The following SGCG variants were observed in gnomAD, a reference collection of about 807,000 sequenced individuals.
SGCG encodes sarcoglycan gamma, also known as gamma-sarcoglycan.
In SGCG, 26 loss-of-function variants were observed where a neutral mutation model predicts 29.3. That is an observed-to-expected ratio of 0.89 (90% CI 0.65 to 1.23). SGCG has a LOEUF of 1.23. SGCG is among the 50% of genes most tolerant of loss of function. The pLI, the probability that SGCG is intolerant of heterozygous loss-of-function variation, is 0.00. For synonymous variants in SGCG, 145 were observed against 129.7 expected (o/e 1.12, Z -0.80); for missense variants, 353 against 356.0 (o/e 0.99, Z 0.07).
chr13:23,227,315 GAAA>G (rs11330528), intron 2 of SGCG, among the ~76,000 whole-genome samples: 11 of 128,808 alleles, frequency 8.5e-5, no homozygotes, highest in African/African-American at 3.1e-4. Context: ...TTAAGAATGG[GAAA>G]AAAAAAAAAA....
intron 5 of SGCG, among the ~76,000 whole-genome samples, chr13:23,280,220 T>G (rs1215831956): frequency 6.6e-6 from 1 of 152,224 alleles, no homozygotes; most frequent in Non-Finnish European, 1.5e-5. Context: ...GCACTCATTT[T>G]TAAGACTGAG....
rs1883174721 is a variant in SGCG at position 23,324,775 on chromosome 13, C to T, written c.*234C>T. Reference sequence around the variant, plus strand: ...CAAAATGGAAAAGCAATGTGTTTTTCCACTGGATTAATTTTCACCGGAACA... The same window carrying T: ...CAAAATGGAAAAGCAATGTGTTTTTTCACTGGATTAATTTTCACCGGAACA... On this transcript the variant is annotated 3_prime_UTR_variant, in exon 8 of 8. Coordinates refer to ENST00000218867, the MANE Select transcript of SGCG (RefSeq NM_000231.3). The T allele has an allele frequency of 4.5e-5, 24 of 538,732 alleles. No individual in the cohort carries two copies. In the South Asian group the frequency reaches 4.7e-4, roughly 11 times the overall value. 33.4% of individuals were successfully genotyped at this position (538,732 alleles called of 1,614,324 possible).
intron 2 of SGCG, among the ~76,000 whole-genome samples, chr13:23,216,613 T>G (rs1269209763): frequency 1.3e-5 from 2 of 152,154 alleles, no homozygotes; most frequent in African/African-American, 4.8e-5. Context: ...CAAATGCACT[T>G]GAGTAAACTG....
Position 23,311,010 on chromosome 13 carries a change from T to C in SGCG, c.579-9627T>C, listed in dbSNP as rs141506872. Among the ~76,000 whole-genome samples, 522 of 152,334 alleles carry C rather than the reference T, an allele frequency of 3.4e-3. 3 individuals carry two copies. The highest frequency in any genetic ancestry group is 4.1e-3 in the Non-Finnish European group (279 of 68,034). ...TGTCCACTGCTTCTTCTTGGAAACA[T>C]TCTTTTCTTCTTATTTAATTTCCAT... is the stretch of plus-strand genomic sequence containing the variant. On this transcript the variant is annotated intron_variant, in intron 6 of 7. Coordinates refer to ENST00000218867, the MANE Select transcript of SGCG (RefSeq NM_000231.3).
At chr13:23,165,129 C>G in the SGCG span, among the ~76,000 whole-genome samples, 1 of 152,110 alleles carries the variant, frequency 6.6e-6, no homozygotes, top group Non-Finnish European at 1.5e-5. Context: ...TTATTAGAAA[C>G]AGAAAATAGA....
At chr13:23,182,809 G>A (rs531443892) in intron 1 of SGCG, among the ~76,000 whole-genome samples, 1 of 152,276 alleles carries the variant, frequency 6.6e-6, no homozygotes, top group Non-Finnish European at 1.5e-5. Flanking sequence ...GTGCCCAAAG[G>A]CGTTTGTGCT....
chr13:23,165,394 C>T, the SGCG span, among the ~76,000 whole-genome samples: 1 of 151,990 alleles, frequency 6.6e-6, no homozygotes, highest in Non-Finnish European at 1.5e-5. Context: ...ATTTCCTGGA[C>T]TAAGTTTTGA....
At chr13:23,273,186 C>T (rs1192477831) in intron 4 of SGCG, among the ~76,000 whole-genome samples, 2 of 145,726 alleles carry the variant, frequency 1.4e-5, no homozygotes, top group East Asian at 2.0e-4. Context: ...GAACTTAGTT[C>T]TTTTTTTTTT....
chr13:23,218,140 A>G (rs1317541015), intron 2 of SGCG, among the ~76,000 whole-genome samples: 2 of 152,204 alleles, frequency 1.3e-5, no homozygotes, highest in Non-Finnish European at 2.9e-5. Context: ...TTTTAGTGTT[A>G]CCTTATGCAA....
chr13:23,275,503 TAA>T (rs35071248), intron 4 of SGCG, among the ~76,000 whole-genome samples: 49 of 145,532 alleles, frequency 3.4e-4, no homozygotes, highest in South Asian at 8.9e-4. Context: ...ACCCTGTCTT[TAA>T]AAAAAAAAAA....
At chr13:23,299,456 ATT>A (rs71100168) in intron 6 of SGCG, among the ~76,000 whole-genome samples, 34 of 41,538 alleles carry the variant, frequency 8.2e-4, no homozygotes, top group African/African-American at 2.5e-3. Context: ...ATATATATAT[ATT>A]TTTTTTTTTT....
At chr13:23,324,345 G>A (rs759476222) in intron 7 of SGCG, 23 bp from the exon 8 acceptor site, 9 of 1,613,420 alleles carry the variant, frequency 5.6e-6, no homozygotes, top group South Asian at 1.1e-5. Flanking sequence ...TTAACTCTTC[G>A]TCTCTCATCT....
Position 23,295,618 on chromosome 13 carries a change from T to C in SGCG, c.578+131T>C, listed in dbSNP as rs1354529695. On this transcript the variant is annotated intron_variant, in intron 6 of 7. Coordinates refer to ENST00000218867, the MANE Select transcript of SGCG (RefSeq NM_000231.3). The stretch of plus-strand genomic sequence containing the variant: ...TCAGTTGCCTTTATTTTCAAGACTT[T>C]CCGCTTATAACTAGATAGTATTTAT... 5.0e-5 allele frequency: 38 copies of C among 752,662 alleles called. 1 individual carries two copies. The highest frequency in any genetic ancestry group is 8.3e-5 in the Non-Finnish European group (35 of 421,006). 46.6% of individuals were successfully genotyped at this position (752,662 alleles called of 1,614,324 possible).
chr13:23,254,732 C>T (rs376328785), intron 4 of SGCG, among the ~76,000 whole-genome samples: 1 of 152,160 alleles, frequency 6.6e-6, no homozygotes, highest in East Asian at 1.9e-4. Context: ...CCCATTCCAT[C>T]ACGGGCACAG....
intron 5 of SGCG, among the ~76,000 whole-genome samples, chr13:23,291,062 A>G (rs1461619587): frequency 2.0e-5 from 3 of 152,208 alleles, no homozygotes; most frequent in Non-Finnish European, 4.4e-5. Context: ...TAGGATCCAG[A>G]AGGGAAGAAT....
Position 23,321,012 on chromosome 13 carries a change from G to T in SGCG, c.702+252G>T, listed in dbSNP as rs4770431. On this transcript the variant is annotated intron_variant, in intron 7 of 7. Coordinates refer to ENST00000218867, the MANE Select transcript of SGCG (RefSeq NM_000231.3). ...GGCATTTATGCTATCAAGTGATTTA[G>T]TGACTTGTTATTTTCAAGTCGGAAA... Among the ~76,000 whole-genome samples, 9,533 of 151,924 alleles carry T rather than the reference G, an allele frequency of 0.063. 437 individuals carry two copies. Among genetic ancestry groups the T allele is most frequent in the Non-Finnish European group, 0.096 (6,553 of 67,936 alleles).
At chr13:23,315,011 T>C (rs897913484) in intron 6 of SGCG, among the ~76,000 whole-genome samples, 1 of 152,230 alleles carries the variant, frequency 6.6e-6, no homozygotes, top group Non-Finnish European at 1.5e-5. Flanking sequence ...TGAAAGCTGC[T>C]CTGCCGCTTG....
upstream of SGCG, among the ~76,000 whole-genome samples, chr13:23,176,320 G>A (rs1414837662): frequency 1.3e-5 from 2 of 152,084 alleles, no homozygotes; most frequent in Non-Finnish European, 2.9e-5. Context: ...TGGTAGAGAG[G>A]ACAGCATAGA....
intron 4 of SGCG, among the ~76,000 whole-genome samples, chr13:23,257,150 T>G (rs1593201336): frequency 6.6e-6 from 1 of 152,218 alleles, no homozygotes; most frequent in Non-Finnish European, 1.5e-5. Flanking sequence ...CATTTTTTCA[T>G]GTGTCTGTTA....
Sources: gnomAD v4.1 joint callset for allele counts (sites outside exome capture counted in the v4.1 genomes callset) on GRCh38, gnomAD v4.1.1 for gene constraint, MANE v1.5 for transcripts, NCBI Gene and HGNC (gene_info 2026-07-23, HGNC 2026-07-21) for gene names.